The following ACSM1 variants were observed in gnomAD, a reference collection of about 807,000 sequenced individuals.
ACSM1 encodes the protein acyl-coenzyme A synthetase ACSM1, mitochondrial.
ACSM1 carries 79 observed loss-of-function variants against 75.8 expected under a neutral mutation model. The observed-to-expected ratio is 1.04, with a 90% CI of 0.87 to 1.26. The LOEUF is 1.26. Ranked by LOEUF, ACSM1 falls within the 50% of genes most tolerant of loss-of-function variation. The pLI is 0.00. For synonymous variants in ACSM1, 279 were observed against 265.8 expected, an observed-to-expected ratio of 1.05 and a Z score of -0.48; for missense variants, 676 against 720.1, an observed-to-expected ratio of 0.94 and a Z score of 0.70.
chr16:20,676,991 A>G (rs527338796), intron 4 of ACSM1, among the ~76,000 whole-genome samples: 1 of 152,272 alleles, frequency 6.6e-6, no homozygotes, highest in Admixed American at 6.5e-5. Flanking sequence ...AAAAGTCTCC[A>G]GTATTTAAGC....
chr16:20,634,346 A>G (rs2017525835), intron 10 of ACSM1, among the ~76,000 whole-genome samples: 1 of 152,264 alleles, frequency 6.6e-6, no homozygotes, highest in Non-Finnish European at 1.5e-5. Flanking sequence ...ATCTAGGTCT[A>G]TACTCCCAAG....
chr16:20,668,127 T>G (rs1403706964), intron 6 of ACSM1, among the ~76,000 whole-genome samples: 1 of 152,160 alleles, frequency 6.6e-6, no homozygotes, highest in Non-Finnish European at 1.5e-5. Context: ...AATATACTCA[T>G]GTAACGAATC....
chr16:20,654,562 C>CA (rs895686757), intron 7 of ACSM1, among the ~76,000 whole-genome samples: 1 of 151,960 alleles, frequency 6.6e-6, no homozygotes, highest in Non-Finnish European at 1.5e-5. Flanking sequence ...AAGAAAACAA[C>CA]AAAAAACCCC....
chr16:20,640,543 TC>T lies in ACSM1; in HGVS notation c.1033del (p.Glu345ArgfsTer30), dbSNP rs748758273. 6.2e-7 allele frequency: 1 copy of T among 1,612,902 alleles called. No homozygotes were observed. The highest frequency in any genetic ancestry group is 1.1e-5 in the South Asian group (1 of 90,996). ...CTCCTGATCCTTGGGCAACACGACC[TC>T]CCCGCCAGTATAGCAGTGCTCCAGG... is the stretch of plus-strand genomic sequence containing the variant. Reference protein sequence around the residue: ...PALEHCYTGGEVVLPKDQEEW... With the variant: ...PALEHCYTGGXVVLPKDQEEW... On this transcript the variant is annotated frameshift_variant, in exon 8 of 14. Transcript: ENST00000520010. LOFTEE classifies it high-confidence loss of function.
intron 7 of ACSM1, among the ~76,000 whole-genome samples, chr16:20,658,403 C>G (rs1000044672): frequency 4.0e-5 from 6 of 151,722 alleles, no homozygotes; most frequent in Non-Finnish European, 8.8e-5. Context: ...GCATAAATGT[C>G]TTCTCTTGAG....
At chr16:20,686,621 G>A (rs770045946) in intron 2 of ACSM1, among the ~76,000 whole-genome samples, 20 of 151,894 alleles carry the variant, frequency 1.3e-4, no homozygotes, top group African/African-American at 2.2e-4. Context: ...CTTGTATCCC[G>A]GAACTTAAAG....
chr16:20,654,402 G>A (rs2018829405), intron 7 of ACSM1, among the ~76,000 whole-genome samples: 1 of 152,148 alleles, frequency 6.6e-6, no homozygotes. Context: ...CGACAAATGG[G>A]ATCTATTTAA....
At chr16:20,625,554 A>C in intron 11 of ACSM1, 32 bp from the exon 12 acceptor site, 1 of 1,596,808 alleles carries the variant, frequency 6.3e-7, no homozygotes, top group Non-Finnish European at 8.6e-7. Context: ...GGCAGATGCC[A>C]GGGCTGGGGT....
chr16:20,681,325 C>T (rs1259277024), intron 4 of ACSM1: 1 of 152,218 alleles, frequency 6.6e-6, no homozygotes, highest in Non-Finnish European at 1.5e-5. Flanking sequence ...ATTTAACCAA[C>T]TGTTGCCTAG....
At chr16:20,632,184 T>A (rs2017391670) in intron 10 of ACSM1, among the ~76,000 whole-genome samples, 1 of 151,948 alleles carries the variant, frequency 6.6e-6, no homozygotes, top group African/African-American at 2.4e-5. Flanking sequence ...GGAACCAGAA[T>A]AAGAAGAGCA....
At chr16:20,668,332 T>C (rs965844643) in intron 6 of ACSM1, among the ~76,000 whole-genome samples, 2 of 152,328 alleles carry the variant, frequency 1.3e-5, no homozygotes, top group East Asian at 1.9e-4. Context: ...AGGCTTAAAA[T>C]ACATAAAGAC....
intron 4 of ACSM1, chr16:20,681,719 G>T (rs1488023221): frequency 6.5e-6 from 1 of 153,766 alleles, no homozygotes; most frequent in East Asian, 1.9e-4. Context: ...ACAAAGGGGG[G>T]AAATGGAACA....
intron 4 of ACSM1, among the ~76,000 whole-genome samples, chr16:20,678,365 C>T (rs2079357122): frequency 6.6e-6 from 1 of 152,120 alleles, no homozygotes; most frequent in Admixed American, 6.5e-5. Flanking sequence ...ACTGCTATTA[C>T]TCAAGCCATT....
chr16:20,640,373 T>A, intron 8 of ACSM1, 88 bp downstream of exon 8: 1 of 1,475,138 alleles, frequency 6.8e-7, no homozygotes, highest in Admixed American at 1.8e-5. Flanking sequence ...CAAACCTGTT[T>A]CCCAGATGCG....
intron 1 of ACSM1, among the ~76,000 whole-genome samples, chr16:20,692,063 T>C (rs2152339634): frequency 6.6e-6 from 1 of 152,274 alleles, no homozygotes; most frequent in South Asian, 2.1e-4. Flanking sequence ...AGATTCTCCT[T>C]TGCCTGAGAC....
intron 11 of ACSM1, 26 bp downstream of exon 11, chr16:20,627,163 G>A (rs1464464742): frequency 1.3e-6 from 2 of 1,503,134 alleles, no homozygotes; most frequent in Admixed American, 2.5e-5. Context: ...GGCAACAACA[G>A]CCAGCCCAGC....
intron 12 of ACSM1, among the ~76,000 whole-genome samples, chr16:20,625,152 C>T (rs1323067351): frequency 6.6e-6 from 1 of 152,194 alleles, no homozygotes; most frequent in African/African-American, 2.4e-5. Flanking sequence ...CTTCTCTTTC[C>T]TCATCTATAA....
chr16:20,638,200 G>T (rs564337422), intron 8 of ACSM1, among the ~76,000 whole-genome samples: 22 of 152,248 alleles, frequency 1.4e-4, no homozygotes, highest in African/African-American at 5.1e-4. Context: ...AATCCCTCTT[G>T]ATCTCCTCCA....
rs764377613 is a variant in ACSM1 at position 20,691,171 on chromosome 16, C to A, written c.18G>T (p.Arg6Ser). 7 of 1,593,794 alleles carry A rather than the reference C, an allele frequency of 4.4e-6. No individual in the cohort carries two copies. The African/African-American group carries it at 9.5e-5, about 22-fold the overall frequency. MQWLM[R>S]FRTLWGIHKS... Reference sequence around the variant, plus strand: ...TGTGGATGCCCCAGAGGGTCCGGAACCTCATTAGCCACTGCATGGTGAAAC... The same window carrying A: ...TGTGGATGCCCCAGAGGGTCCGGAAACTCATTAGCCACTGCATGGTGAAAC... Residue 6 changes from arginine (R) to serine (S), a missense_variant, in exon 2 of 14, where the codon AGG becomes AGT. By Grantham distance (110) the Arg-to-Ser change is moderately radical (BLOSUM62 -1). Coordinates refer to ENST00000520010, the MANE Select transcript of ACSM1 (RefSeq NM_001318890.3).
Sources: gnomAD v4.1 joint callset for allele counts (sites outside exome capture counted in the v4.1 genomes callset) on GRCh38, gnomAD v4.1.1 for gene constraint, MANE v1.5 for transcripts, NCBI Gene and HGNC (gene_info 2026-07-23, HGNC 2026-07-21) for gene names.